The following ASIC2 variants were observed in gnomAD, a reference collection of about 807,000 sequenced individuals.
The protein encoded by ASIC2 is acid sensing ion channel subunit 2, also known as acid-sensing ion channel 2.
A neutral mutation model predicts 57.3 loss-of-function variants in ASIC2; 25 were observed. The ratio of observed to expected loss-of-function variants is 0.44; its 90% CI spans 0.32 to 0.61. ASIC2 has a LOEUF of 0.61. Among genes scored for constraint, ASIC2 ranks in the 20% least tolerant of loss-of-function variants. The pLI is 0.06. For missense variants in ASIC2, 641 were observed against 738.1 expected, an observed-to-expected ratio of 0.87 and a Z score of 1.52; for synonymous variants, 319 against 307.5, an observed-to-expected ratio of 1.04 and a Z score of -0.39.
rs1018995135 is a variant in ASIC2, at chr17:33,489,127, C to T, written c.556-377060G>A. ...AGAATCCTGCAAGGAAACCATCTGG[C>T]TGACCCTGGCTGATCCTTGGACATG... On this transcript the variant is annotated intron_variant, in intron 1 of 9. Coordinates refer to the ASIC2 transcript ENST00000359872. Among the ~76,000 whole-genome samples, 3 of 152,134 alleles carry T rather than the reference C, an allele frequency of 2.0e-5. No homozygotes were observed. The East Asian group carries it at 5.8e-4, about 29-fold the overall frequency.
intron 3 of ASIC2, among the ~76,000 whole-genome samples, chr17:33,076,712 A>G (rs934063596): frequency 6.6e-6 from 1 of 152,180 alleles, no homozygotes; most frequent in African/African-American, 2.4e-5. Flanking sequence ...TTCACCTACC[A>G]ATATGTCTTA....
intron 7 of ASIC2, among the ~76,000 whole-genome samples, chr17:33,019,868 C>T (rs188519058): frequency 7.9e-5 from 12 of 151,846 alleles, no homozygotes; most frequent in East Asian, 5.8e-4. Flanking sequence ...AAGAAAGAGA[C>T]GCACATAGAG....
rs184024952 is a variant in ASIC2 at position 33,846,274 on chromosome 17, G to A, written c.555+309704C>T. On this transcript the variant is annotated intron_variant, in intron 1 of 9. Transcript: ENST00000359872. The stretch of plus-strand genomic sequence containing the variant: ...TGTACCTGTGAGAGGAAATTCAGCT[G>A]ACAGTAAACAACAGCCAAGGGTCCA... 4.6e-5 allele frequency among the ~76,000 whole-genome samples: 7 copies of A among 152,284 alleles called. No homozygotes were observed. In the East Asian group the frequency reaches 1.4e-3, roughly 29 times the overall value.
At position 33,979,651 on chromosome 17, in the gene ASIC2, AC is replaced by A. The variant is rs1235419203; in HGVS notation, c.555+176326del. On this transcript the variant is annotated intron_variant, in intron 1 of 9. Coordinates refer to the ASIC2 transcript ENST00000359872. ...TCCCACCCCTCATACAAGAACTCTC[AC>A]TTTTTCCCCTTCTTAGCATTCTGCA... 2.0e-5 allele frequency among the ~76,000 whole-genome samples: 3 copies of A among 152,080 alleles called. No homozygotes were observed. In the South Asian group the frequency reaches 6.2e-4, roughly 32 times the overall value.
chr17:33,766,161 G>A (rs1415932967), intron 1 of ASIC2, among the ~76,000 whole-genome samples: 1 of 151,952 alleles, frequency 6.6e-6, no homozygotes, highest in Non-Finnish European at 1.5e-5. Flanking sequence ...AGAGAGAGAG[G>A]CCACATTTAC....
At chr17:34,015,650 T>C (rs1304470592) in intron 1 of ASIC2, among the ~76,000 whole-genome samples, 1 of 152,256 alleles carries the variant, frequency 6.6e-6, no homozygotes, top group African/African-American at 2.4e-5. Flanking sequence ...AGAAATCAGC[T>C]ACCCTATGAT....
intron 1 of ASIC2, among the ~76,000 whole-genome samples, chr17:33,605,614 A>G (rs1445373915): frequency 6.6e-6 from 1 of 152,182 alleles, no homozygotes; most frequent in Non-Finnish European, 1.5e-5. Flanking sequence ...ACCTTTTTAA[A>G]AAAAGAAATA....
chr17:34,099,136 G>GAC (rs1910674598), intron 1 of ASIC2, among the ~76,000 whole-genome samples: 13 of 33,480 alleles, frequency 3.9e-4, no homozygotes, highest in East Asian at 2.9e-3. Context: ...GAGAGAGAGA[G>GAC]AGAGAGAGAC....
At chr17:33,163,165 C>T (rs1322477231) in intron 1 of ASIC2, among the ~76,000 whole-genome samples, 1 of 152,160 alleles carries the variant, frequency 6.6e-6, no homozygotes. Flanking sequence ...CTCTGCAGAT[C>T]ATGGAGAGGG....
At chr17:33,775,243 G>C (rs1187501592) in intron 1 of ASIC2, among the ~76,000 whole-genome samples, 1 of 152,182 alleles carries the variant, frequency 6.6e-6, no homozygotes, top group East Asian at 1.9e-4. Flanking sequence ...TTGGGAAACA[G>C]AGTTCCAGTG....
At chr17:33,427,981 C>T (rs1257487883) in intron 1 of ASIC2, among the ~76,000 whole-genome samples, 3 of 152,118 alleles carry the variant, frequency 2.0e-5, no homozygotes, top group Non-Finnish European at 4.4e-5. Flanking sequence ...CTCAATCAAC[C>T]TTGTGGAGGG....
chr17:33,519,010 C>T lies in ASIC2; in HGVS notation c.556-406943G>A, dbSNP rs950360177. Among the ~76,000 whole-genome samples the T allele has an allele frequency of 6.2e-5, 9 of 146,292 alleles. 1 individual carries two copies. Among genetic ancestry groups the T allele is most frequent in the African/African-American group, 2.0e-4 (8 of 39,426 alleles). ...TAATTTTTTGTATTTTCAGTAGAGA[C>T]GGGGTTTCACCATGTTGGCCAGGAT... On this transcript the variant is annotated intron_variant, in intron 1 of 9. Coordinates refer to the ASIC2 transcript ENST00000359872.
At chr17:33,382,272 C>T (rs1909515325) in intron 1 of ASIC2, among the ~76,000 whole-genome samples, 2 of 152,140 alleles carry the variant, frequency 1.3e-5, no homozygotes, top group Admixed American at 1.3e-4. Flanking sequence ...AGGATGCAAA[C>T]AGACACAGAT....
intron 1 of ASIC2, among the ~76,000 whole-genome samples, chr17:34,084,740 C>T (rs1481388553): frequency 6.6e-6 from 1 of 152,162 alleles, no homozygotes. Flanking sequence ...TGTAGTTCTC[C>T]TTGAAGAGGT....
At chr17:34,021,491 T>A (rs1483576799) in intron 1 of ASIC2, among the ~76,000 whole-genome samples, 1 of 152,198 alleles carries the variant, frequency 6.6e-6, no homozygotes, top group Non-Finnish European at 1.5e-5. Flanking sequence ...GGCTCTGGAA[T>A]CTCAGCCCCC....
At chr17:34,067,497 T>C (rs1909215213) in intron 1 of ASIC2, among the ~76,000 whole-genome samples, 2 of 152,154 alleles carry the variant, frequency 1.3e-5, no homozygotes, top group Non-Finnish European at 2.9e-5. Context: ...AGTGAGAACA[T>C]GAATTGGAAT....
intron 1 of ASIC2, among the ~76,000 whole-genome samples, chr17:33,267,529 C>T (rs1909509486): frequency 6.6e-6 from 1 of 152,240 alleles, no homozygotes; most frequent in Admixed American, 6.5e-5. Context: ...GAACCCAACA[C>T]TGTGCTAGGA....
At chr17:33,591,998 A>T (rs1904841850) in intron 1 of ASIC2, among the ~76,000 whole-genome samples, 1 of 152,132 alleles carries the variant, frequency 6.6e-6, no homozygotes, top group South Asian at 2.1e-4. Flanking sequence ...AAAATCAAGG[A>T]CAAGAATAAA....
intron 1 of ASIC2, among the ~76,000 whole-genome samples, chr17:33,264,410 T>C (rs974732076): frequency 2.0e-5 from 3 of 152,222 alleles, no homozygotes; most frequent in Non-Finnish European, 4.4e-5. Flanking sequence ...ACTATTCTCA[T>C]TTTACAGATG....
Sources: allele counts gnomAD v4.1 joint callset (sites outside exome capture counted in the v4.1 genomes callset), GRCh38; gene constraint gnomAD v4.1.1; transcripts MANE v1.5; gene names NCBI Gene and HGNC (gene_info 2026-07-23, HGNC 2026-07-21).